NUP153: variants seen among roughly 807,000 people sequenced by gnomAD.
NUP153 encodes the protein nucleoporin 153.
In NUP153, 27 loss-of-function variants were observed where a neutral mutation model predicts 134.6. The ratio of observed to expected loss-of-function variants is 0.20; its 90% CI spans 0.15 to 0.28. The LOEUF is 0.28. Ranked by LOEUF, NUP153 falls within the 10% of genes least tolerant of loss-of-function variation. The probability of loss-of-function intolerance (pLI) is 1.00; values close to 1 mark genes in which losing one functional copy is unlikely to be tolerated. For synonymous variants in NUP153, 640 were observed against 623.5 expected, an observed-to-expected ratio of 1.03 and a Z score of -0.40; for missense variants, 1,821 against 1,731.3, an observed-to-expected ratio of 1.05 and a Z score of -0.92.
At chr6:17,683,124 G>A (rs570068941) in intron 2 of NUP153, among the ~76,000 whole-genome samples, 13 of 152,054 alleles carry the variant, frequency 8.5e-5, no homozygotes, top group Middle Eastern at 3.4e-3. Context: ...TATCCATGGG[G>A]GCTGGAATCA....
chr6:17,703,311 A>G (rs1436947726), intron 1 of NUP153, among the ~76,000 whole-genome samples: 2 of 152,270 alleles, frequency 1.3e-5, no homozygotes, highest in South Asian at 4.1e-4. Context: ...TACAAGTCAA[A>G]TGAACACATG....
intron 1 of NUP153, among the ~76,000 whole-genome samples, chr6:17,696,414 G>A (rs1042420338): frequency 2.0e-5 from 3 of 152,148 alleles, no homozygotes; most frequent in African/African-American, 7.2e-5. Flanking sequence ...GAAATAAGCA[G>A]GCATGAGGGA....
intron 8 of NUP153, 64 bp from the exon 9 acceptor site, chr6:17,665,449 T>G: frequency 7.4e-7 from 1 of 1,345,148 alleles, no homozygotes; most frequent in Non-Finnish European, 1.0e-6. Flanking sequence ...ATATCTAAAT[T>G]TTGACAATAG....
At chr6:17,669,835 T>C (rs551959058) in intron 5 of NUP153, among the ~76,000 whole-genome samples, 8 of 152,152 alleles carry the variant, frequency 5.3e-5, no homozygotes, top group African/African-American at 1.9e-4. Flanking sequence ...GGCTCATGTC[T>C]GTAATCCCAG....
intron 13 of NUP153, 112 bp from the exon 14 acceptor site, chr6:17,646,266 GGC>G (rs1766172867): frequency 2.0e-6 from 1 of 508,796 alleles, no homozygotes. Flanking sequence ...GGAGTGCAGT[GGC>G]GCAATCCTGG....
chr6:17,694,205 C>T (rs1769478722), intron 1 of NUP153, among the ~76,000 whole-genome samples: 1 of 152,156 alleles, frequency 6.6e-6, no homozygotes, highest in Admixed American at 6.6e-5. Context: ...TAATGCTTGA[C>T]ATGTGGTATG....
chr6:17,629,139 T>G lies in NUP153; in HGVS notation c.3060A>C (p.Ala1020=), dbSNP rs369068049. Residue 1020 remains alanine, a synonymous_variant, in exon 18 of 22, where the codon GCA becomes GCC. Coordinates refer to ENST00000262077, the MANE Select transcript of NUP153 (RefSeq NM_005124.4). The part of the protein sequence containing the change: ...KKEELPKSSS[A]GFSFGTGVIN... ...TAACACCTGTACCAAAGCTAAAACCTGCAGAGGAAGATTTGGGCAGTTCCT... is the reference window on the plus strand; with the variant it reads ...TAACACCTGTACCAAAGCTAAAACCGGCAGAGGAAGATTTGGGCAGTTCCT... 5.6e-6 allele frequency: 9 copies of G among 1,613,510 alleles called. No individual in the cohort carries two copies. In the African/African-American group the frequency reaches 1.1e-4, roughly 19 times the overall value.
rs556514892 is a variant in NUP153, at chr6:17,679,326, T to C, written c.335-3556A>G. On this transcript the variant is annotated intron_variant, in intron 2 of 21. Coordinates refer to ENST00000262077, the MANE Select transcript of NUP153 (RefSeq NM_005124.4). ...TAAAATATTTAGGAATGAACCAAGG[T>C]AAAAGATGTGCACATGGAAACTACA... is the stretch of plus-strand genomic sequence containing the variant. Among the ~76,000 whole-genome samples the C allele has an allele frequency of 2.2e-4, 33 of 152,016 alleles. No homozygotes were observed. In the South Asian group the frequency reaches 4.4e-3, roughly 20 times the overall value.
intron 1 of NUP153, among the ~76,000 whole-genome samples, chr6:17,703,425 C>G (rs74367648): frequency 0.015 from 2,248 of 152,112 alleles, 54 homozygotes; most frequent in African/African-American, 0.052. Context: ...GTTTCTTACT[C>G]CAACTTTCTG....
At chr6:17,653,001 C>T (rs1174850360) in intron 11 of NUP153, among the ~76,000 whole-genome samples, 1 of 152,192 alleles carries the variant, frequency 6.6e-6, no homozygotes, top group Non-Finnish European at 1.5e-5. Context: ...TGTACTCCAG[C>T]CTAGCATTTG....
At chr6:17,626,408 G>A (rs759616457) in intron 18 of NUP153, among the ~76,000 whole-genome samples, 1 of 152,136 alleles carries the variant, frequency 6.6e-6, no homozygotes, top group Non-Finnish European at 1.5e-5. Context: ...TTGGCATTCA[G>A]GTTAATAAAA....
chr6:17,623,643 C>T (rs1764767286), intron 20 of NUP153, among the ~76,000 whole-genome samples: 1 of 152,126 alleles, frequency 6.6e-6, no homozygotes, highest in South Asian at 2.1e-4. Flanking sequence ...CATATGTCAA[C>T]AGTAAATAAA....
chr6:17,617,929 T>C (rs1233876505), intron 20 of NUP153, among the ~76,000 whole-genome samples: 1 of 152,180 alleles, frequency 6.6e-6, no homozygotes, highest in East Asian at 1.9e-4. Context: ...TTTTAGTCTT[T>C]GTAGAAGTGT....
chr6:17,631,358 TG>T (rs1765242556), intron 17 of NUP153, among the ~76,000 whole-genome samples: 1 of 152,216 alleles, frequency 6.6e-6, no homozygotes, highest in African/African-American at 2.4e-5. Flanking sequence ...CTATTATTTT[TG>T]TTTAATTTGT....
At chr6:17,632,116 TAG>T (rs1207163679) in intron 17 of NUP153, among the ~76,000 whole-genome samples, 1 of 152,036 alleles carries the variant, frequency 6.6e-6, no homozygotes, top group African/African-American at 2.4e-5. Flanking sequence ...GCTTTTAATT[TAG>T]AGGTGTATTC....
At chr6:17,687,209 G>C (rs1768984250) in intron 2 of NUP153, among the ~76,000 whole-genome samples, 1 of 152,080 alleles carries the variant, frequency 6.6e-6, no homozygotes. Context: ...TGCTCATTAG[G>C]ATAGAAAAGA....
chr6:17,688,686 C>A (rs1769095112), intron 1 of NUP153, 68 bp from the exon 2 acceptor site: 11 of 1,295,256 alleles, frequency 8.5e-6, no homozygotes, highest in African/African-American at 4.4e-5. Flanking sequence ...TACCTACTCA[C>A]TGAAAGCCAG....
intron 17 of NUP153, among the ~76,000 whole-genome samples, chr6:17,630,673 G>T (rs1430231140): frequency 2.3e-5 from 3 of 133,150 alleles, no homozygotes; most frequent in African/African-American, 5.6e-5. Context: ...AATAAATAAA[G>T]AAAAGAAAAC....
chr6:17,682,586 A>G lies in NUP153; in HGVS notation c.334+5810T>C, dbSNP rs1238988065. Among the ~76,000 whole-genome samples the G allele has an allele frequency of 3.3e-5, 5 of 152,150 alleles. No homozygotes were observed. In the East Asian group the frequency reaches 9.6e-4, roughly 29 times the overall value. ...TCTAAATTATTCTGTAATCTTAAAA[A>G]TGTGCACAGTATCTTCACCAAGAGT... On this transcript the variant is annotated intron_variant, in intron 2 of 21. Transcript: ENST00000262077.
Sources: gnomAD v4.1 joint callset for allele counts (sites outside exome capture counted in the v4.1 genomes callset) on GRCh38, gnomAD v4.1.1 for gene constraint, MANE v1.5 for transcripts, NCBI Gene and HGNC (gene_info 2026-07-23, HGNC 2026-07-21) for gene names.